The following OSBPL10 variants were observed in gnomAD, a reference collection of about 807,000 sequenced individuals.
OSBPL10 encodes the protein oxysterol-binding protein-related protein 10.
OSBPL10 carries 49 observed loss-of-function variants against 81.7 expected under a neutral mutation model. The observed-to-expected ratio is 0.60, with a 90% CI of 0.48 to 0.76. The LOEUF is 0.76. OSBPL10 is among the 30% of genes least tolerant of loss of function. OSBPL10 has a pLI of 0.00. For synonymous variants in OSBPL10, 419 were observed against 383.6 expected, an observed-to-expected ratio of 1.09 and a Z score of -1.08; for missense variants, 923 against 987.8, an observed-to-expected ratio of 0.93 and a Z score of 0.88.
chr3:31,706,402 C>T (rs142500023), intron 6 of OSBPL10, among the ~76,000 whole-genome samples: 26 of 152,296 alleles, frequency 1.7e-4, no homozygotes, highest in Admixed American at 8.5e-4. Flanking sequence ...TCTGCCCCTT[C>T]GCTGACCTCC....
intron 2 of OSBPL10, chr3:31,988,607 GCT>G (rs373452340): frequency 9.4e-4 from 160 of 170,572 alleles, no homozygotes; most frequent in East Asian, 2.1e-3. Context: ...GTTCACTCTC[GCT>G]CTCTCTCTCT....
intron 2 of OSBPL10, among the ~76,000 whole-genome samples, chr3:32,026,907 C>T (rs1427039190): frequency 6.6e-6 from 1 of 152,248 alleles, no homozygotes; most frequent in African/African-American, 2.4e-5. Context: ...TTTGCACAGT[C>T]ACCATCTCCT....
chr3:31,707,716 G>C (rs1430719184), intron 6 of OSBPL10, among the ~76,000 whole-genome samples: 1 of 152,192 alleles, frequency 6.6e-6, no homozygotes, highest in Non-Finnish European at 1.5e-5. Context: ...CAGGTACACA[G>C]CAGCATGGCA....
chr3:32,050,767 T>G (rs1699663696), intron 1 of OSBPL10, among the ~76,000 whole-genome samples: 1 of 151,946 alleles, frequency 6.6e-6, no homozygotes, highest in Non-Finnish European at 1.5e-5. Context: ...ATTCAAGTGA[T>G]TCTCCTGCCT....
chr3:31,703,549 A>G (rs887992940), intron 6 of OSBPL10: 16 of 152,226 alleles, frequency 1.1e-4, no homozygotes, highest in African/African-American at 3.9e-4. Context: ...TTATATCTAC[A>G]GGCACTTCTA....
At chr3:31,920,178 A>T (rs1196625609) in intron 1 of OSBPL10, among the ~76,000 whole-genome samples, 1 of 152,218 alleles carries the variant, frequency 6.6e-6, no homozygotes, top group Non-Finnish European at 1.5e-5. Flanking sequence ...TAAGCAGGTG[A>T]AGCATTGGGA....
At chr3:31,741,661 T>C (rs1158933558) in intron 5 of OSBPL10, among the ~76,000 whole-genome samples, 11 of 152,202 alleles carry the variant, frequency 7.2e-5, no homozygotes, top group Admixed American at 7.2e-4. Flanking sequence ...TATTCTACAA[T>C]GCTAGTTTTT....
chr3:31,959,624 T>A (rs78605188), intron 1 of OSBPL10, among the ~76,000 whole-genome samples: 4 of 152,164 alleles, frequency 2.6e-5, no homozygotes, highest in Non-Finnish European at 4.4e-5. Flanking sequence ...CTTTGCTATA[T>A]AACAAAACAC....
At chr3:31,767,810 C>T (rs1407512853) in intron 4 of OSBPL10, among the ~76,000 whole-genome samples, 1 of 152,154 alleles carries the variant, frequency 6.6e-6, no homozygotes, top group African/African-American at 2.4e-5. Flanking sequence ...TCAGTTATCA[C>T]AATTGTGTCA....
intron 4 of OSBPL10, among the ~76,000 whole-genome samples, chr3:31,790,509 G>A (rs148578183): frequency 1.8e-4 from 27 of 152,180 alleles, no homozygotes; most frequent in African/African-American, 5.8e-4. Context: ...ACAGCTGTTC[G>A]CATACACCAT....
In OSBPL10 at chr3:32,036,874, C is replaced by T. The variant is rs141050983; in HGVS notation, n.298+9617G>A. 3.2e-3 allele frequency among the ~76,000 whole-genome samples: 488 copies of T among 152,050 alleles called. 4 individuals are homozygous for T. The highest frequency in any genetic ancestry group is 6.8e-3 in the Middle Eastern group (2 of 294). Reference sequence around the variant, plus strand: ...ACCCACATTCCTGATGATACTCACTCGGCTCTTGAACCATGGACAGCCACA... The same window carrying T: ...ACCCACATTCCTGATGATACTCACTTGGCTCTTGAACCATGGACAGCCACA... On this transcript the variant is annotated intron_variant and non_coding_transcript_variant, in intron 2 of 3. Transcript: ENST00000479173.
At chr3:31,797,763 T>C in intron 4 of OSBPL10, 1 of 456,290 alleles carries the variant, frequency 2.2e-6, no homozygotes, top group Non-Finnish European at 4.4e-6. Context: ...ACCAGAAAGA[T>C]CAACTGGGTT....
chr3:31,662,375 G>A (rs545968167), intron 11 of OSBPL10: 56 of 1,218,828 alleles, frequency 4.6e-5, no homozygotes, highest in East Asian at 1.2e-4. Flanking sequence ...GGCTTCCATC[G>A]AGACTGATTA....
chr3:31,785,882 C>T (rs1698849295), intron 4 of OSBPL10, among the ~76,000 whole-genome samples: 1 of 152,166 alleles, frequency 6.6e-6, no homozygotes, highest in Non-Finnish European at 1.5e-5. Flanking sequence ...CTGGGAGACT[C>T]AAGCTTCTGG....
Position 31,760,830 on chromosome 3 carries a change from A to G in OSBPL10, c.730-12710T>C, listed in dbSNP as rs934845134. ...TAAATATGCCACAACTTATTGCCCA[A>G]TTCCCTATGGCCGAACATTACGATG... On this transcript the variant is annotated intron_variant, in intron 4 of 11. Coordinates refer to ENST00000396556, the MANE Select transcript of OSBPL10 (RefSeq NM_017784.5). Among the ~76,000 whole-genome samples the G allele has an allele frequency of 2.0e-5, 3 of 152,330 alleles. No individual in the cohort carries two copies. In the East Asian group the frequency reaches 5.8e-4, roughly 29 times the overall value.
intron 4 of OSBPL10, among the ~76,000 whole-genome samples, chr3:31,802,180 C>G (rs114903825): frequency 0.016 from 2,474 of 151,600 alleles, 57 homozygotes; most frequent in African/African-American, 0.056. Context: ...TGCACCCGGC[C>G]GTAAGAACTA....
At chr3:31,791,728 A>T (rs1385608515) in intron 4 of OSBPL10, among the ~76,000 whole-genome samples, 1 of 152,100 alleles carries the variant, frequency 6.6e-6, no homozygotes, top group Non-Finnish European at 1.5e-5. Flanking sequence ...TTTATGCCCT[A>T]AAAAGCTAGT....
chr3:31,664,807 C>T (rs996762388), intron 10 of OSBPL10, among the ~76,000 whole-genome samples: 2 of 152,062 alleles, frequency 1.3e-5, no homozygotes, highest in East Asian at 1.9e-4. Flanking sequence ...TGTGTGCATG[C>T]TTATAGTGCG....
chr3:32,075,452 A>G (rs1699865627), intron 1 of OSBPL10, among the ~76,000 whole-genome samples: 1 of 152,080 alleles, frequency 6.6e-6, no homozygotes, highest in Admixed American at 6.5e-5. Context: ...GTCCTTTAAT[A>G]CCTTTTTATC....
Sources: gnomAD v4.1 joint callset for allele counts (sites outside exome capture counted in the v4.1 genomes callset) on GRCh38, gnomAD v4.1.1 for gene constraint, MANE v1.5 for transcripts, NCBI Gene and HGNC (gene_info 2026-07-23, HGNC 2026-07-21) for gene names.